Variants in WASF3 observed in about 807,000 individuals in gnomAD.
WASF3 encodes the protein WASP family member 3.
A neutral mutation model predicts 46.6 loss-of-function variants in WASF3; 11 were observed. The ratio of observed to expected loss-of-function variants is 0.24; its 90% confidence interval spans 0.15 to 0.39. WASF3 has a LOEUF of 0.39. Among genes scored for constraint, WASF3 ranks in the 10% least tolerant of loss-of-function variants. WASF3 has a pLI of 1.00. For missense variants in WASF3, 576 were observed against 669.8 expected, an observed-to-expected ratio of 0.86 and a Z score of 1.55; for synonymous variants, 242 against 259.7, an observed-to-expected ratio of 0.93 and a Z score of 0.65.
At chr13:26,650,081 CA>C (rs1882270182) in intron 3 of WASF3, among the ~76,000 whole-genome samples, 1 of 152,000 alleles carries the variant, frequency 6.6e-6, no homozygotes. Flanking sequence ...AAAAAGCGCC[CA>C]AAACATTTGA....
In WASF3 at chr13:26,671,895, A is replaced by T; in HGVS notation, c.446A>T (p.Lys149Met). 1 of 1,597,934 alleles carries T rather than the reference A, an allele frequency of 6.3e-7. No homozygotes were observed. The highest frequency in any genetic ancestry group is 1.4e-5 in the African/African-American group (1 of 74,034). ...AGAGATGACAAGAAGGATGGGCTGA[A>T]GTTCTATACTGATCCTTCCTATTTC... ...PYRDDKKDGLKFYTDPSYFFD... is the reference protein window; with the variant it reads ...PYRDDKKDGLMFYTDPSYFFD... Residue 149 changes from lysine (K) to methionine (M), a missense_variant, in exon 6 of 10, where the codon AAG (lysine) becomes ATG (methionine). This residue lies in a region of WASF3 where 213 missense variants were observed against 278.0 expected (regional missense o/e 0.77). Coordinates refer to ENST00000335327, the MANE Select transcript of WASF3 (RefSeq NM_006646.6).
intron 9 of WASF3, 101 bp downstream of exon 9, chr13:26,683,075 C>T (rs1046376274): frequency 9.5e-6 from 14 of 1,474,968 alleles, no homozygotes; most frequent in Non-Finnish European, 1.2e-5. Context: ...CTACTCACTA[C>T]GTTTTTTAAA....
At chr13:26,553,796 G>A (rs532603204), upstream of WASF3, among the ~76,000 whole-genome samples, 5 of 146,452 alleles carry the variant, frequency 3.4e-5, no homozygotes, top group South Asian at 2.3e-4. Flanking sequence ...CAGCCTGGGC[G>A]ACAGAGCGAG....
At chr13:26,578,945 A>G (rs1279139460) in intron 1 of WASF3, among the ~76,000 whole-genome samples, 3 of 134,682 alleles carry the variant, frequency 2.2e-5, no homozygotes, top group Non-Finnish European at 4.8e-5. Flanking sequence ...TAGTTATTAT[A>G]TTGATTTTTG....
rs528645159 is a variant in WASF3, at chr13:26,687,459, T to G, written c.*1614T>G. On this transcript the variant is annotated 3_prime_UTR_variant, in exon 10 of 10. Transcript: ENST00000335327. ...GTGTGTGTCTCGAGTGGCTACCTGT[T>G]GGGCTTGTGGGCAGTGATTGTACAG... 1 of 152,262 alleles carries G rather than the reference T, an allele frequency of 6.6e-6. No individual in the cohort carries two copies. Among genetic ancestry groups the G allele is most frequent in the South Asian group, 2.1e-4 (1 of 4,820 alleles). The allele number at this position is 152,262 out of a possible 1,614,324, so 9.4% of individuals were successfully genotyped here.
chr13:26,617,840 C>T lies in WASF3; in HGVS notation c.-11+4782C>T, dbSNP rs146122866. 9.3e-3 allele frequency among the ~76,000 whole-genome samples: 1,420 copies of T among 152,116 alleles called. 13 individuals carry two copies. The highest frequency in any genetic ancestry group is 0.018 in the African/African-American group (763 of 41,496). On this transcript the variant is annotated intron_variant, in intron 2 of 9. Transcript: ENST00000335327. ...TAATTGAATCATGGGGGCAGTCTCC[C>T]CCATGATGTTCTTGTGATAGTGAAT...
At chr13:26,563,682 T>C (rs1397927109) in intron 1 of WASF3, among the ~76,000 whole-genome samples, 1 of 115,412 alleles carries the variant, frequency 8.7e-6, no homozygotes, top group Admixed American at 9.0e-5. Context: ...AAAAAAAGAA[T>C]AGTTTTTCCA....
chr13:26,680,024 A>G (rs1218756216), intron 7 of WASF3: 3 of 1,594,292 alleles, frequency 1.9e-6, no homozygotes, highest in Admixed American at 3.4e-5. Context: ...TGTGTTTGGT[A>G]TTTCCTTCAG....
At chr13:26,663,451 A>G (rs1418669603) in intron 3 of WASF3, among the ~76,000 whole-genome samples, 3 of 152,228 alleles carry the variant, frequency 2.0e-5, no homozygotes, top group Non-Finnish European at 4.4e-5. Context: ...TTTGCATATT[A>G]TGGGAATGGG....
chr13:26,681,925 A>T (rs1050358554), intron 8 of WASF3, among the ~76,000 whole-genome samples: 4 of 152,084 alleles, frequency 2.6e-5, no homozygotes, highest in Admixed American at 2.6e-4. Flanking sequence ...TGCCCAGGAA[A>T]ATTACCGTGT....
chr13:26,660,194 GTTTTTTTTTTTTTT>G (rs71080285), intron 3 of WASF3, among the ~76,000 whole-genome samples: 13 of 43,364 alleles, frequency 3.0e-4, no homozygotes, highest in Admixed American at 1.1e-3. Flanking sequence ...TTTTTGTTTG[GTTTTTTTTTTTTTT>G]TTTTTTTTTT....
chr13:26,666,663 G>A (rs1198012829), intron 4 of WASF3, among the ~76,000 whole-genome samples: 1 of 152,122 alleles, frequency 6.6e-6, no homozygotes, highest in Non-Finnish European at 1.5e-5. Flanking sequence ...ACTTCGGGAG[G>A]CCGAGGCAGG....
chr13:26,589,502 A>G (rs559150138), intron 1 of WASF3, among the ~76,000 whole-genome samples: 1 of 152,338 alleles, frequency 6.6e-6, no homozygotes, highest in South Asian at 2.1e-4. Context: ...ACTGAGGTTT[A>G]GTGATGCAAG....
chr13:26,671,663 C>A (rs1033301486), intron 5 of WASF3, among the ~76,000 whole-genome samples: 1 of 151,932 alleles, frequency 6.6e-6, no homozygotes, highest in Non-Finnish European at 1.5e-5. Context: ...TACTTTTAAC[C>A]TACAACAGGT....
intron 1 of WASF3, among the ~76,000 whole-genome samples, chr13:26,585,451 A>G (rs1880101700): frequency 6.6e-6 from 1 of 152,176 alleles, no homozygotes; most frequent in African/African-American, 2.4e-5. Context: ...AATAACTATA[A>G]TTTTACTATA....
chr13:26,605,493 AT>A lies in WASF3; in HGVS notation c.-108-7459del, dbSNP rs146029236. On this transcript the variant is annotated intron_variant, in intron 1 of 9. Coordinates refer to ENST00000335327, the MANE Select transcript of WASF3 (RefSeq NM_006646.6). Reference sequence around the variant, plus strand: ...TAGTTGAAGTAGATTAGGAAGATGCATTTTTTTTTAAACCTCTGCATTTGGG... The same window carrying A: ...TAGTTGAAGTAGATTAGGAAGATGCATTTTTTTTAAACCTCTGCATTTGGG... 3.3e-3 allele frequency among the ~76,000 whole-genome samples: 493 copies of A among 151,476 alleles called. 5 individuals are homozygous for A. Among genetic ancestry groups the A allele is most frequent in the African/African-American group, 0.011 (461 of 41,306 alleles).
chr13:26,643,406 T>C (rs1292056745), intron 3 of WASF3, among the ~76,000 whole-genome samples: 1 of 152,202 alleles, frequency 6.6e-6, no homozygotes, highest in Non-Finnish European at 1.5e-5. Flanking sequence ...ATTGGTTTCT[T>C]TAATAGAGTT....
At chr13:26,586,529 A>C (rs1311124041) in intron 1 of WASF3, among the ~76,000 whole-genome samples, 2 of 152,212 alleles carry the variant, frequency 1.3e-5, no homozygotes, top group Non-Finnish European at 2.9e-5. Flanking sequence ...GAAGCTATAT[A>C]ATGTTTTAAT....
At chr13:26,672,022 C>CAAT in intron 6 of WASF3, 33 bp downstream of exon 6, 1 of 1,433,854 alleles carries the variant, frequency 7.0e-7, no homozygotes, top group Non-Finnish European at 9.8e-7. Flanking sequence ...ATGTGCATAT[C>CAAT]AGTGTTCAAA....
Sources: allele counts gnomAD v4.1 joint callset (sites outside exome capture counted in the v4.1 genomes callset), GRCh38; gene constraint gnomAD v4.1.1; regional missense constraint gnomAD v4.1.1; transcripts MANE v1.5; gene names NCBI Gene and HGNC (gene_info 2026-07-23, HGNC 2026-07-21).